Variants in TECRL observed in about 807,000 individuals in gnomAD.
TECRL encodes trans-2,3-enoyl-CoA reductase like, also known as trans-2,3-enoyl-CoA reductase-like.
Under a neutral mutation model 52.8 loss-of-function variants are expected in TECRL, and 63 were observed. The observed-to-expected ratio is 1.19, with a 90% CI of 0.97 to 1.47. The LOEUF is 1.47. TECRL is among the 40% of genes most tolerant of loss of function. The probability of loss-of-function intolerance (pLI) is 0.00; values close to 1 mark genes in which losing one functional copy is unlikely to be tolerated. For synonymous variants in TECRL, 164 were observed against 141.9 expected (o/e 1.16, Z -1.10); for missense variants, 482 against 429.6 (o/e 1.12, Z -1.08).
chr4:64,375,559 CTT>C (rs1227783901), intron 1 of TECRL, among the ~76,000 whole-genome samples: 1 of 151,770 alleles, frequency 6.6e-6, no homozygotes, highest in Non-Finnish European at 1.5e-5. Context: ...AAAAATATGT[CTT>C]AATGCACAGG....
intron 2 of TECRL, among the ~76,000 whole-genome samples, chr4:64,372,300 T>C (rs1722031062): frequency 6.6e-6 from 1 of 151,918 alleles, no homozygotes; most frequent in Non-Finnish European, 1.5e-5. Flanking sequence ...CTGCATTAAA[T>C]GAGAAAAGCA....
chr4:64,299,680 G>A lies in TECRL; in HGVS notation c.774+294C>T, dbSNP rs2062255. 0.67 allele frequency among the ~76,000 whole-genome samples: 100,804 copies of A among 150,474 alleles called. 34,957 individuals carry two copies. Among genetic ancestry groups the A allele is most frequent in the Non-Finnish European group, 0.76 (50,733 of 66,994 alleles). On this transcript the variant is annotated intron_variant, in intron 8 of 11. Transcript: ENST00000381210. Reference sequence around the variant, plus strand: ...TTGCAAAAAATTTTTGCTCTTTATAGGTTGGTAAATGTGCACACAGTAGCA... The same window carrying A: ...TTGCAAAAAATTTTTGCTCTTTATAAGTTGGTAAATGTGCACACAGTAGCA...
intron 1 of TECRL, among the ~76,000 whole-genome samples, chr4:64,405,088 T>C (rs954740158): frequency 2.6e-5 from 4 of 152,106 alleles, no homozygotes; most frequent in African/African-American, 7.2e-5. Context: ...GAAAAATAAA[T>C]AGTAGTTTAG....
At chr4:64,325,578 A>G (rs1718208348) in intron 3 of TECRL, among the ~76,000 whole-genome samples, 1 of 152,202 alleles carries the variant, frequency 6.6e-6, no homozygotes, top group Admixed American at 6.6e-5. Flanking sequence ...ACATAGCAAT[A>G]CAAAACTTTC....
At chr4:64,372,436 GT>G (rs751866034) in intron 2 of TECRL, among the ~76,000 whole-genome samples, 1 of 151,748 alleles carries the variant, frequency 6.6e-6, no homozygotes, top group Non-Finnish European at 1.5e-5. Context: ...ATGAAGAGTG[GT>G]TTTCTCTCTT....
chr4:64,370,318 C>G (rs1252989994), intron 2 of TECRL, among the ~76,000 whole-genome samples: 1 of 150,600 alleles, frequency 6.6e-6, no homozygotes, highest in Non-Finnish European at 1.5e-5. Context: ...AATAGATTCT[C>G]CAAAAAAAAA....
intron 7 of TECRL, among the ~76,000 whole-genome samples, chr4:64,301,686 T>C (rs1279179093): frequency 1.3e-5 from 2 of 151,252 alleles, no homozygotes; most frequent in Non-Finnish European, 3.0e-5. Context: ...AGGATTCTTC[T>C]GAGTACACAA....
intron 1 of TECRL, among the ~76,000 whole-genome samples, chr4:64,400,814 G>A (rs559105376): frequency 1.3e-5 from 2 of 152,240 alleles, no homozygotes; most frequent in African/African-American, 2.4e-5. Flanking sequence ...GGCCTCCCCA[G>A]AAGCAGATGC....
chr4:64,398,088 T>C (rs1475952499), intron 1 of TECRL, among the ~76,000 whole-genome samples: 2 of 152,196 alleles, frequency 1.3e-5, no homozygotes, highest in Non-Finnish European at 2.9e-5. Context: ...CATTATTTTA[T>C]AGTAGTTTGA....
rs548606040 is a variant in TECRL, at chr4:64,339,964, C to T, written c.287-11408G>A. 2.6e-5 allele frequency among the ~76,000 whole-genome samples: 4 copies of T among 152,284 alleles called. No individual in the cohort carries two copies. In the East Asian group the frequency reaches 7.7e-4, roughly 29 times the overall value. ...TGAGGAACGTACCTACTTTACTTTG[C>T]CCTCTTCTCTCTTGGTCTCACTATG... On this transcript the variant is annotated intron_variant, in intron 2 of 11. Coordinates refer to ENST00000381210, the MANE Select transcript of TECRL (RefSeq NM_001010874.5).
At chr4:64,361,707 T>C (rs1189198220) in intron 2 of TECRL, among the ~76,000 whole-genome samples, 6 of 142,856 alleles carry the variant, frequency 4.2e-5, no homozygotes, top group Non-Finnish European at 9.2e-5. Flanking sequence ...AAAAGCAAAA[T>C]TCCCTATCTG....
chr4:64,327,327 A>G, intron 3 of TECRL, among the ~76,000 whole-genome samples: 1 of 152,144 alleles, frequency 6.6e-6, no homozygotes, highest in East Asian at 1.9e-4. Context: ...AATATGTCAT[A>G]TTCACCAGAA....
At chr4:64,372,310 A>G (rs1022995685) in intron 2 of TECRL, among the ~76,000 whole-genome samples, 2 of 151,864 alleles carry the variant, frequency 1.3e-5, no homozygotes, top group South Asian at 4.1e-4. Context: ...TGAGAAAAGC[A>G]TAAGAAATGA....
chr4:64,378,153 G>T (rs894841982), intron 1 of TECRL, among the ~76,000 whole-genome samples: 1 of 152,046 alleles, frequency 6.6e-6, no homozygotes, highest in Non-Finnish European at 1.5e-5. Context: ...GCCAAATGCA[G>T]GTTTCCTACG....
At chr4:64,385,874 G>A (rs1407302077) in intron 1 of TECRL, among the ~76,000 whole-genome samples, 1 of 152,072 alleles carries the variant, frequency 6.6e-6, no homozygotes, top group African/African-American at 2.4e-5. Flanking sequence ...GTGTACCATT[G>A]GGAAACTCTT....
chr4:64,335,968 T>C (rs1719048250), intron 2 of TECRL, among the ~76,000 whole-genome samples: 1 of 149,794 alleles, frequency 6.7e-6, no homozygotes. Context: ...GATATTGGTC[T>C]TTTTTTTTGG....
rs1722676885 is a variant in TECRL, at chr4:64,278,823, A to T, written c.*1249T>A. On this transcript the variant is annotated 3_prime_UTR_variant, in exon 12 of 12. Coordinates refer to ENST00000381210, the MANE Select transcript of TECRL (RefSeq NM_001010874.5). Reference sequence around the variant, plus strand: ...TTTATTTTTTACTTCTATGATATCAATTTTTTTAGCTTCCACATATAAGTA... The same window carrying T: ...TTTATTTTTTACTTCTATGATATCATTTTTTTTAGCTTCCACATATAAGTA... The T allele has an allele frequency of 6.6e-6, 1 of 151,874 alleles. No individual in the cohort carries two copies. The highest frequency in any genetic ancestry group is 2.4e-5 in the African/African-American group (1 of 41,330). The allele number at this position is 151,874 out of a possible 1,614,324, so 9.4% of individuals were successfully genotyped here. A position where few individuals can be genotyped will look rare whatever the true frequency, so the allele number is the denominator to read the frequency against.
At chr4:64,351,850 A>G (rs2109575742) in intron 2 of TECRL, among the ~76,000 whole-genome samples, 1 of 152,302 alleles carries the variant, frequency 6.6e-6, no homozygotes, top group East Asian at 1.9e-4. Context: ...TTTATAAATT[A>G]GTCTAATTCA....
intron 1 of TECRL, among the ~76,000 whole-genome samples, chr4:64,391,364 T>A (rs1723534498): frequency 6.6e-6 from 1 of 151,848 alleles, no homozygotes; most frequent in African/African-American, 2.4e-5. Flanking sequence ...CCAACTTGTT[T>A]TCACAGCTGC....
Sources: allele counts gnomAD v4.1 joint callset (sites outside exome capture counted in the v4.1 genomes callset), GRCh38; gene constraint gnomAD v4.1.1; transcripts MANE v1.5; gene names NCBI Gene and HGNC (gene_info 2026-07-23, HGNC 2026-07-21).